OR56A3: variants seen among roughly 807,000 people sequenced by gnomAD.
OR56A3 encodes olfactory receptor family 56 subfamily A member 3, also known as olfactory receptor 56A3.
A neutral mutation model predicts 17.5 loss-of-function variants in OR56A3; 23 were observed. The ratio of observed to expected loss-of-function variants is 1.32; its 90% CI spans 0.95 to 1.87. The LOEUF (loss-of-function observed/expected upper bound fraction) is 1.87, where lower values mean the gene tolerates loss of function less well. Among genes scored for constraint, OR56A3 ranks in the 40% most tolerant of loss-of-function variants. OR56A3 has a pLI of 0.00. For missense variants in OR56A3, 366 were observed against 380.1 expected, an observed-to-expected ratio of 0.96 and a Z score of 0.31; for synonymous variants, 175 against 150.6, an observed-to-expected ratio of 1.16 and a Z score of -1.19.
At chr11:5,993,419 C>A in the OR56A3 span, among the ~76,000 whole-genome samples, 1 of 152,194 alleles carries the variant, frequency 6.6e-6, no homozygotes, top group Non-Finnish European at 1.5e-5. Flanking sequence ...TTCTTTAACA[C>A]TCTGAGGAAG....
chr11:5,960,202 CGTT>C, the OR56A3 span, among the ~76,000 whole-genome samples: 10 of 152,244 alleles, frequency 6.6e-5, no homozygotes, highest in Non-Finnish European at 1.3e-4. Context: ...TGAAGACTGT[CGTT>C]GGTACTTTGA....
the OR56A3 span, among the ~76,000 whole-genome samples, chr11:5,972,829 T>C: frequency 7.9e-5 from 12 of 152,098 alleles, no homozygotes; most frequent in Non-Finnish European, 1.6e-4. Flanking sequence ...GGGTTTCACG[T>C]CAAGAAATCC....
chr11:5,950,893 A>G lies in OR56A3; in HGVS notation c.*2599A>G, dbSNP rs564490303. 3.1e-4 allele frequency: 47 copies of G among 152,292 alleles called. No individual in the cohort carries two copies. Among genetic ancestry groups the G allele is most frequent in the African/African-American group, 9.9e-4 (41 of 41,572 alleles). 9.4% of individuals were successfully genotyped at this position (152,292 alleles called of 1,614,324 possible). A position where few individuals can be genotyped will look rare whatever the true frequency, so the allele number is the denominator to read the frequency against. ...AGAAATTTTGCTTTGAAAGTCAGATATGGATAGAAAATAAAGTTAATTAGA... is the reference window on the plus strand; with the variant it reads ...AGAAATTTTGCTTTGAAAGTCAGATGTGGATAGAAAATAAAGTTAATTAGA... On this transcript the variant is annotated 3_prime_UTR_variant, in exon 3 of 3. Coordinates refer to ENST00000641160, the MANE Select transcript of OR56A3 (RefSeq NM_001003443.3).
chr11:5,987,780 A>G, the OR56A3 span, among the ~76,000 whole-genome samples: 3 of 152,020 alleles, frequency 2.0e-5, no homozygotes, highest in Non-Finnish European at 2.9e-5. Context: ...TCAACCCCCA[A>G]TATCACTACC....
At chr11:5,992,600 C>T in the OR56A3 span, among the ~76,000 whole-genome samples, 2 of 152,180 alleles carry the variant, frequency 1.3e-5, no homozygotes, top group Non-Finnish European at 2.9e-5. Flanking sequence ...CATTTTGCCT[C>T]TCCTCTGTAG....
chr11:5,992,902 G>T, the OR56A3 span, among the ~76,000 whole-genome samples: 1 of 152,046 alleles, frequency 6.6e-6, no homozygotes, highest in Non-Finnish European at 1.5e-5. Flanking sequence ...GGTAGATTAG[G>T]TATCTACCAA....
At chr11:5,993,894 T>C in the OR56A3 span, 1 of 513,156 alleles carries the variant, frequency 1.9e-6, no homozygotes, top group Non-Finnish European at 3.6e-6. Context: ...AGAACTTTGG[T>C]GTCATTGGTC....
At chr11:6,003,077 C>CTGGAAAATGAG in the OR56A3 span, 6 of 1,607,632 alleles carry the variant, frequency 3.7e-6, no homozygotes, top group South Asian at 2.2e-5. Context: ...ACATTCTAGA[C>CTGGAAAATGAG]GTAGTAGAGT....
chr11:6,003,194 GT>G, the OR56A3 span: 2 of 1,234,864 alleles, frequency 1.6e-6, no homozygotes, highest in Non-Finnish European at 2.3e-6. Flanking sequence ...CAGCCACAAT[GT>G]TTTATATTCA....
the OR56A3 span, among the ~76,000 whole-genome samples, chr11:5,992,295 C>T: frequency 3.3e-5 from 5 of 152,292 alleles, no homozygotes; most frequent in East Asian, 3.9e-4. Flanking sequence ...CCTTCTCCAA[C>T]GCAGTTCACA....
At chr11:5,968,258 G>A in the OR56A3 span, 32 of 1,613,428 alleles carry the variant, frequency 2.0e-5, no homozygotes, top group Middle Eastern at 4.9e-4. Flanking sequence ...TGGGGATGAC[G>A]GTGAGGCAGA....
chr11:6,010,780 T>A, the OR56A3 span, among the ~76,000 whole-genome samples: 1 of 152,008 alleles, frequency 6.6e-6, no homozygotes, highest in African/African-American at 2.4e-5. Flanking sequence ...ATCTGAGGGA[T>A]TTTTTTATTC....
intron 2 of OR56A3, among the ~76,000 whole-genome samples, chr11:5,946,562 C>T (rs1847870750): frequency 6.6e-6 from 1 of 152,110 alleles, no homozygotes. Context: ...TAAGAAGAAC[C>T]AATTTTTCAT....
At chr11:5,994,474 A>G in the OR56A3 span, 1 of 753,192 alleles carries the variant, frequency 1.3e-6, no homozygotes, top group Non-Finnish European at 2.4e-6. Context: ...TGGTCAACCC[A>G]GAGCTGGCAA....
chr11:5,989,441 G>C, the OR56A3 span, among the ~76,000 whole-genome samples: 1 of 152,132 alleles, frequency 6.6e-6, no homozygotes, highest in African/African-American at 2.4e-5. Flanking sequence ...AAAGTAAGAA[G>C]TAAGTAAATA....
the OR56A3 span, among the ~76,000 whole-genome samples, chr11:5,959,553 A>T: frequency 1.1e-4 from 16 of 152,232 alleles, no homozygotes; most frequent in Non-Finnish European, 1.6e-4. Flanking sequence ...TTAAACATTA[A>T]TCTTTATCAG....
chr11:5,979,406 C>G, the OR56A3 span, among the ~76,000 whole-genome samples: 1 of 151,774 alleles, frequency 6.6e-6, no homozygotes, highest in Non-Finnish European at 1.5e-5. Context: ...GAACTCAATA[C>G]TGGTCTGTGC....
At chr11:6,018,832 CAAAA>C in the OR56A3 span, among the ~76,000 whole-genome samples, 2 of 151,426 alleles carry the variant, frequency 1.3e-5, no homozygotes, top group Non-Finnish European at 3.0e-5. Context: ...AAATCAGAAA[CAAAA>C]AAGAAGATAT....
chr11:5,994,716 T>C, the OR56A3 span: 1 of 824,910 alleles, frequency 1.2e-6, no homozygotes, highest in South Asian at 1.3e-5. Context: ...TGCAGAATGA[T>C]GCGGGCATTG....
Sources: gnomAD v4.1 joint callset for allele counts (sites outside exome capture counted in the v4.1 genomes callset) on GRCh38, gnomAD v4.1.1 for gene constraint, MANE v1.5 for transcripts, NCBI Gene and HGNC (gene_info 2026-07-23, HGNC 2026-07-21) for gene names.